PRKAG2: variants seen among roughly 807,000 people sequenced by gnomAD.
The protein encoded by PRKAG2 is 5'-AMP-activated protein kinase subunit gamma-2.
Under a neutral mutation model 69.6 loss-of-function variants are expected in PRKAG2, and 26 were observed. That is an observed-to-expected ratio of 0.37 (90% CI 0.27 to 0.52). The LOEUF (loss-of-function observed/expected upper bound fraction) is 0.52, where lower values mean the gene tolerates loss of function less well. Ranked by LOEUF, PRKAG2 falls within the 20% of genes least tolerant of loss-of-function variation. The pLI is 0.90. For missense variants in PRKAG2, 557 were observed against 740.0 expected, an observed-to-expected ratio of 0.75 and a Z score of 2.87; for synonymous variants, 293 against 285.0, an observed-to-expected ratio of 1.03 and a Z score of -0.28.
chr7:151,718,234 T>C (rs1796473967), intron 3 of PRKAG2, among the ~76,000 whole-genome samples: 2 of 151,870 alleles, frequency 1.3e-5, no homozygotes, highest in African/African-American at 4.8e-5. Flanking sequence ...GTGAGGACCC[T>C]CTTCCTGGCT....
At chr7:151,682,525 G>A (rs536570094) in intron 3 of PRKAG2, among the ~76,000 whole-genome samples, 24 of 152,272 alleles carry the variant, frequency 1.6e-4, no homozygotes, top group Admixed American at 2.6e-4. Flanking sequence ...GGTGTGAACC[G>A]CCATGCCTGG....
chr7:151,632,333 C>T lies in PRKAG2; in HGVS notation c.685-195G>A, dbSNP rs1322197965. ...CCCACCCGCCCGAGGCCGCCGCCGCCGCCGCAGGTGGCGCGGCCGCGGCCC... is the reference window on the plus strand; with the variant it reads ...CCCACCCGCCCGAGGCCGCCGCCGCTGCCGCAGGTGGCGCGGCCGCGGCCC... On this transcript the variant is annotated intron_variant, in intron 4 of 15. Coordinates refer to ENST00000287878, the MANE Select transcript of PRKAG2 (RefSeq NM_016203.4). This position sits in a 1 kb window ranked among gnomAD's most constrained non-coding sequence, Gnocchi z 4.2. 5.8e-6 allele frequency: 4 copies of T among 691,640 alleles called. No individual in the cohort carries two copies. Among genetic ancestry groups the T allele is most frequent in the East Asian group, 1.3e-4 (1 of 7,442 alleles). The allele number at this position is 691,640 out of a possible 1,614,324, so 42.8% of individuals were successfully genotyped here.
intron 1 of PRKAG2, among the ~76,000 whole-genome samples, chr7:151,872,013 G>A (rs1293362669): frequency 6.6e-6 from 1 of 152,228 alleles, no homozygotes; most frequent in Non-Finnish European, 1.5e-5. Flanking sequence ...GTCCTTGGCA[G>A]TGGCAGTCCC....
chr7:151,572,856 T>A (rs555794297), intron 8 of PRKAG2, 147 bp from the exon 9 acceptor site: 260 of 542,478 alleles, frequency 4.8e-4, no homozygotes, highest in Non-Finnish European at 7.9e-4. Context: ...CTCATGCCTG[T>A]AATCTCAGCA....
chr7:151,688,288 G>A (rs777115848), intron 3 of PRKAG2, among the ~76,000 whole-genome samples: 11 of 152,154 alleles, frequency 7.2e-5, no homozygotes, highest in Non-Finnish European at 7.4e-5. Context: ...ATGTTCTTAG[G>A]TCAGGACTAG....
rs1276842061 is a variant in PRKAG2, at chr7:151,842,437, TGATGGTAGGTGGG to T, written c.114+34057_114+34069del. On this transcript the variant is annotated intron_variant, in intron 1 of 15. Transcript: ENST00000287878. ...TAGTGATGGTAGGTGGGGATGGTAG[TGATGGTAGGTGGG>T]GATGGTAGTGATGGTAGGTAGTGAT... is the stretch of plus-strand genomic sequence containing the variant. 2.8e-4 allele frequency among the ~76,000 whole-genome samples: 39 copies of T among 141,100 alleles called. 2 individuals carry two copies. Among genetic ancestry groups the T allele is most frequent in the African/African-American group, 1.0e-3 (37 of 36,610 alleles). 92.6% of individuals were successfully genotyped at this position (141,100 alleles called of 152,430 possible).
intron 3 of PRKAG2, among the ~76,000 whole-genome samples, chr7:151,705,056 G>C (rs1278786762): frequency 6.6e-6 from 1 of 152,212 alleles, no homozygotes; most frequent in African/African-American, 2.4e-5. Flanking sequence ...GAAATTACCA[G>C]CCAAATGCTG....
intron 3 of PRKAG2, among the ~76,000 whole-genome samples, chr7:151,764,580 A>T (rs2075628596): frequency 6.6e-6 from 1 of 152,246 alleles, no homozygotes; most frequent in Non-Finnish European, 1.5e-5. Flanking sequence ...GCCTAGAGGC[A>T]TCCCAGGACT....
chr7:151,690,111 T>C (rs10277859), intron 3 of PRKAG2, among the ~76,000 whole-genome samples: 32,888 of 152,142 alleles, frequency 0.22, 4,042 homozygotes, highest in African/African-American at 0.33. Flanking sequence ...TGCCCCTCGA[T>C]GGCAACAACA....
intron 1 of PRKAG2, among the ~76,000 whole-genome samples, chr7:151,834,483 C>T (rs899246969): frequency 2.1e-4 from 31 of 145,950 alleles, no homozygotes; most frequent in South Asian, 9.1e-4. Flanking sequence ...CAGTACATCA[C>T]GTTGTTTGAT....
intron 3 of PRKAG2, among the ~76,000 whole-genome samples, chr7:151,758,251 A>G (rs1365422317): frequency 6.6e-6 from 1 of 151,912 alleles, no homozygotes; most frequent in East Asian, 1.9e-4. Flanking sequence ...ACAAGATGCC[A>G]TTTCTTGCTC....
At chr7:151,857,176 GA>G (rs2079802908) in intron 1 of PRKAG2, among the ~76,000 whole-genome samples, 1 of 148,350 alleles carries the variant, frequency 6.7e-6, no homozygotes, top group East Asian at 2.0e-4. Flanking sequence ...GATGGGCACA[GA>G]ACGCGCAGCA....
At chr7:151,601,801 G>A (rs955424523) in intron 5 of PRKAG2, among the ~76,000 whole-genome samples, 1 of 152,230 alleles carries the variant, frequency 6.6e-6, no homozygotes, top group Admixed American at 6.5e-5. Flanking sequence ...CGGGGATGCC[G>A]CAGGGAAGAC....
chr7:151,565,885 T>A lies in PRKAG2; in HGVS notation c.1234A>T (p.Met412Leu). ...KRILKFLQLFMSDMPKPAFMK... is the reference protein window; with the variant it reads ...KRILKFLQLFLSDMPKPAFMK... ...AAGGCAGGCTTTGGCATATCAGACA[T>A]CTAAACGGAAGATAAACGCAAACGT... Residue 412 changes from methionine (M) to leucine (L), a missense_variant and splice_region_variant, in exon 12 of 16, where the codon ATG (methionine) becomes TTG (leucine). Met to Leu is a conservative substitution (Grantham distance 15). This residue lies in a region of PRKAG2 where 205 missense variants were observed against 383.4 expected (regional missense o/e 0.53). Transcript: ENST00000287878. 1 of 1,613,084 alleles carries A rather than the reference T, an allele frequency of 6.2e-7. No individual in the cohort carries two copies. The highest frequency in any genetic ancestry group is 2.2e-5 in the East Asian group (1 of 44,880).
intron 3 of PRKAG2, among the ~76,000 whole-genome samples, chr7:151,721,793 G>A (rs528935953): frequency 1.3e-5 from 2 of 152,236 alleles, no homozygotes; most frequent in South Asian, 4.2e-4. Flanking sequence ...TGCTTTCATA[G>A]ACGTTATCTG....
At chr7:151,557,761 T>C (rs1804066955) in intron 15 of PRKAG2, 9 of 511,472 alleles carry the variant, frequency 1.8e-5, no homozygotes, top group African/African-American at 2.1e-5. Flanking sequence ...TCCCAGCTAC[T>C]TGGGAGACTG....
At chr7:151,706,081 A>C (rs925662362) in intron 3 of PRKAG2, among the ~76,000 whole-genome samples, 1 of 152,158 alleles carries the variant, frequency 6.6e-6, no homozygotes, top group African/African-American at 2.4e-5. Flanking sequence ...TGCTTCCCGG[A>C]GTAAAAGGTT....
chr7:151,632,342 T>G lies in PRKAG2; in HGVS notation c.685-204A>C, dbSNP rs868349563. 2 of 627,380 alleles carry G rather than the reference T, an allele frequency of 3.2e-6. No individual in the cohort carries two copies. The highest frequency in any genetic ancestry group is 4.0e-6 in the Non-Finnish European group (2 of 506,152). The allele number at this position is 627,380 out of a possible 1,614,324, so 38.9% of individuals were successfully genotyped here. ...CCGAGGCCGCCGCCGCCGCCGCAGG[T>G]GGCGCGGCCGCGGCCCGCGTGCCCC... On this transcript the variant is annotated intron_variant, in intron 4 of 15. Coordinates refer to ENST00000287878, the MANE Select transcript of PRKAG2 (RefSeq NM_016203.4). The surrounding 1 kb of genome is among the most constrained non-coding windows in gnomAD (Gnocchi z 4.2).
Position 151,876,806 on chromosome 7 carries a change from C to T in PRKAG2, c.-186G>A, listed in dbSNP as rs953316243. ...GCGGCCGCCGCCGCCGCCGAAGCGCCGAATTCAAGCGTCCTTTCCTACGGA... is the reference window on the plus strand; with the variant it reads ...GCGGCCGCCGCCGCCGCCGAAGCGCTGAATTCAAGCGTCCTTTCCTACGGA... On this transcript the variant is annotated 5_prime_UTR_variant, in exon 1 of 16. Transcript: ENST00000287878. The T allele has an allele frequency of 1.8e-5, 12 of 654,376 alleles. No homozygotes were observed. The African/African-American group carries it at 2.2e-4, about 12-fold the overall frequency. 40.5% of individuals were successfully genotyped at this position (654,376 alleles called of 1,614,324 possible). A position where few individuals can be genotyped will look rare whatever the true frequency, so the allele number is the denominator to read the frequency against.
Sources: allele counts gnomAD v4.1 joint callset (sites outside exome capture counted in the v4.1 genomes callset), GRCh38; gene constraint gnomAD v4.1.1; regional missense constraint gnomAD v4.1.1; non-coding constraint Gnocchi (gnomAD v3.1); transcripts MANE v1.5; gene names NCBI Gene and HGNC (gene_info 2026-07-23, HGNC 2026-07-21).